The following C16orf74 variants were observed in gnomAD, a reference collection of about 807,000 sequenced individuals.
The protein encoded by C16orf74 is uncharacterized protein C16orf74.
Under a neutral mutation model 6.5 loss-of-function variants are expected in C16orf74, and 10 were observed. The observed-to-expected ratio is 1.54, with a 90% CI of 0.95 to 2.61. The LOEUF is 2.61. Ranked by LOEUF, C16orf74 falls within the 30% of genes most tolerant of loss-of-function variation. The pLI is 0.00. For missense variants in C16orf74, 141 were observed against 105.9 expected, an observed-to-expected ratio of 1.33 and a Z score of -1.45; for synonymous variants, 60 against 42.5, an observed-to-expected ratio of 1.41 and a Z score of -1.60.
At chr16:85,728,678 T>A (rs1052200527) in intron 2 of C16orf74, among the ~76,000 whole-genome samples, 1 of 152,208 alleles carries the variant, frequency 6.6e-6, no homozygotes, top group Admixed American at 6.5e-5. Flanking sequence ...CAGGAAGGTG[T>A]AACGGCTCCT....
rs919055434 is a variant in C16orf74 at position 85,710,262 on chromosome 16, G to T, written c.74C>A (p.Ala25Asp). The T allele has an allele frequency of 2.0e-6, 3 of 1,512,752 alleles. No homozygotes were observed. Among genetic ancestry groups the T allele is most frequent in the Non-Finnish European group, 8.8e-7 (1 of 1,142,102 alleles). The allele number at this position is 1,512,752 out of a possible 1,614,324, so 93.7% of individuals were successfully genotyped here. A position where few individuals can be genotyped will look rare whatever the true frequency, so the allele number is the denominator to read the frequency against. ...VSSSSSSHDE[A>D]PVLNDKHLDV... is the part of the protein sequence containing the mutation. ...CAGGTGCTTGTCGTTCAGGACGGGG[G>T]CCTCGTCGTGGCTGCTGCTGCTGCT... The change falls in exon 3 of 4, where the codon GCC (alanine) becomes GAC (aspartate). Residue 25 changes from alanine (A) to aspartate (D), a missense_variant. By Grantham distance (126) the Ala-to-Asp change is moderately radical. Transcript: ENST00000284245.
At chr16:85,716,574 G>A (rs902932108) in intron 2 of C16orf74, among the ~76,000 whole-genome samples, 4 of 147,748 alleles carry the variant, frequency 2.7e-5, no homozygotes, top group African/African-American at 1.0e-4. Flanking sequence ...AGGGGAGAGG[G>A]AAGGAGGGAG....
chr16:85,719,295 C>T (rs768075586), intron 2 of C16orf74, among the ~76,000 whole-genome samples: 35 of 152,184 alleles, frequency 2.3e-4, no homozygotes, highest in Non-Finnish European at 4.6e-4. Context: ...TGCCTTTCCC[C>T]TACACCTCCT....
intron 2 of C16orf74, chr16:85,710,600 C>G (rs568962324): frequency 1.4e-5 from 5 of 367,638 alleles, no homozygotes; most frequent in Non-Finnish European, 2.4e-5. Context: ...CCATGTGGCC[C>G]AGCCAGCTGC....
intron 2 of C16orf74, among the ~76,000 whole-genome samples, chr16:85,712,092 A>G (rs1389126319): frequency 6.6e-6 from 1 of 152,196 alleles, no homozygotes; most frequent in Non-Finnish European, 1.5e-5. Flanking sequence ...CCATGTTACG[A>G]GGATGCTCAA....
intron 1 of C16orf74, among the ~76,000 whole-genome samples, chr16:85,748,959 T>C (rs2054405760): frequency 6.6e-6 from 1 of 151,512 alleles, no homozygotes. Context: ...TTTTATTTTT[T>C]TTTAGAGAAA....
At chr16:85,727,453 T>C (rs1011631133) in intron 2 of C16orf74, among the ~76,000 whole-genome samples, 11 of 152,104 alleles carry the variant, frequency 7.2e-5, no homozygotes, top group Admixed American at 6.6e-4. Context: ...CTAAATATCA[T>C]GTGGGATCCT....
At chr16:85,715,454 C>T (rs1018351821) in intron 2 of C16orf74, among the ~76,000 whole-genome samples, 2 of 152,192 alleles carry the variant, frequency 1.3e-5, no homozygotes, top group African/African-American at 4.8e-5. Flanking sequence ...GGGCCAGGAT[C>T]CATCCCCAGA....
intron 1 of C16orf74, among the ~76,000 whole-genome samples, chr16:85,735,452 C>G (rs1005149991): frequency 5.3e-5 from 8 of 152,202 alleles, no homozygotes; most frequent in Non-Finnish European, 7.3e-5. Context: ...TTACGGGTGC[C>G]TCAAAGTTAA....
chr16:85,729,845 C>T (rs749841826), intron 2 of C16orf74, among the ~76,000 whole-genome samples: 10 of 152,112 alleles, frequency 6.6e-5, no homozygotes, highest in South Asian at 2.1e-4. Context: ...CCTCCTTTGG[C>T]GCTGAGGAGG....
chr16:85,747,213 T>C (rs751828142), intron 1 of C16orf74, among the ~76,000 whole-genome samples: 3 of 152,072 alleles, frequency 2.0e-5, no homozygotes, highest in Non-Finnish European at 2.9e-5. Context: ...ACATTATACA[T>C]CAATAAAAAC....
intron 1 of C16orf74, among the ~76,000 whole-genome samples, chr16:85,750,699 C>T (rs186718691): frequency 6.6e-6 from 1 of 152,268 alleles, no homozygotes; most frequent in East Asian, 1.9e-4. Context: ...AGTTGCAGCG[C>T]GGCCAGAGCC....
At position 85,709,531 on chromosome 16, in the gene C16orf74, C is replaced by A. The variant is rs1299829489; in HGVS notation, c.172+633G>T. 1.5e-4 allele frequency among the ~76,000 whole-genome samples: 12 copies of A among 81,060 alleles called. 1 individual carries two copies. Among genetic ancestry groups the A allele is most frequent in the African/African-American group, 4.2e-4 (8 of 19,178 alleles). The allele number at this position is 81,060 out of a possible 152,430, so 53.2% of individuals were successfully genotyped here. A position where few individuals can be genotyped will look rare whatever the true frequency, so the allele number is the denominator to read the frequency against. On this transcript the variant is annotated intron_variant, in intron 3 of 3. Transcript: ENST00000284245. Reference sequence around the variant, plus strand: ...TATTATTATTATTATTATTATTATTCATAGCAGCAGCCTCAGCACCCGGCA... The same window carrying A: ...TATTATTATTATTATTATTATTATTAATAGCAGCAGCCTCAGCACCCGGCA...
intron 1 of C16orf74, among the ~76,000 whole-genome samples, chr16:85,745,534 G>C (rs1388897142): frequency 6.6e-6 from 1 of 152,228 alleles, no homozygotes; most frequent in Non-Finnish European, 1.5e-5. Context: ...CTGACTGTGA[G>C]GGACAGAAAC....
chr16:85,741,150 G>C (rs1256634392), intron 1 of C16orf74, among the ~76,000 whole-genome samples: 1 of 152,180 alleles, frequency 6.6e-6, no homozygotes. Context: ...TCCCCACCAT[G>C]GTCTCCCAGG....
intron 1 of C16orf74, among the ~76,000 whole-genome samples, chr16:85,740,805 C>A (rs1466483911): frequency 8.6e-6 from 1 of 116,684 alleles, no homozygotes; most frequent in African/African-American, 3.4e-5. Flanking sequence ...ACACTCCAGC[C>A]TGGGCAAGAG....
intron 2 of C16orf74, among the ~76,000 whole-genome samples, chr16:85,726,367 G>T (rs778821447): frequency 2.0e-5 from 3 of 152,196 alleles, no homozygotes; most frequent in Non-Finnish European, 4.4e-5. Context: ...ACTCTCCTCT[G>T]GGCTCTGTCC....
rs371137271 is a variant in C16orf74 at position 85,734,945 on chromosome 16, G to T, written c.28+245C>A. On this transcript the variant is annotated intron_variant, in intron 2 of 3. Transcript: ENST00000284245. ...GCCTGGGATTAGGCACCCTGAGGGGGAAACTGAGGCCCCAAGGCACTGCCA... is the reference window on the plus strand; with the variant it reads ...GCCTGGGATTAGGCACCCTGAGGGGTAAACTGAGGCCCCAAGGCACTGCCA... Among the ~76,000 whole-genome samples, 8 of 152,320 alleles carry T rather than the reference G, an allele frequency of 5.3e-5. No homozygotes were observed. The South Asian group carries it at 1.7e-3, about 32-fold the overall frequency.
intron 1 of C16orf74, among the ~76,000 whole-genome samples, chr16:85,745,159 A>G (rs970635106): frequency 3.3e-5 from 5 of 150,074 alleles, no homozygotes; most frequent in Non-Finnish European, 5.9e-5. Flanking sequence ...AAAAAAAAAA[A>G]AAAAAAAAAT....
Sources: gnomAD v4.1 joint callset for allele counts (sites outside exome capture counted in the v4.1 genomes callset) on GRCh38, gnomAD v4.1.1 for gene constraint, MANE v1.5 for transcripts, NCBI Gene and HGNC (gene_info 2026-07-23, HGNC 2026-07-21) for gene names.